The following CFAP43 variants were observed in gnomAD, a reference collection of about 807,000 sequenced individuals.
The protein encoded by CFAP43 is cilia and flagella associated protein 43.
Under a neutral mutation model 218.9 loss-of-function variants are expected in CFAP43, and 155 were observed. The ratio of observed to expected loss-of-function variants is 0.71; its 90% CI spans 0.62 to 0.81. The LOEUF is 0.81. Among genes scored for constraint, CFAP43 ranks in the 30% least tolerant of loss-of-function variants. CFAP43 has a pLI of 0.00. For synonymous variants in CFAP43, 645 were observed against 681.3 expected, an observed-to-expected ratio of 0.95 and a Z score of 0.83; for missense variants, 1,778 against 1,954.3, an observed-to-expected ratio of 0.91 and a Z score of 1.70.
At chr10:104,156,471 T>G (rs548139242) in intron 27 of CFAP43, among the ~76,000 whole-genome samples, 52 of 152,298 alleles carry the variant, frequency 3.4e-4, no homozygotes, top group Non-Finnish European at 6.6e-4. Flanking sequence ...ATCACAATGG[T>G]TGCACTATTG....
intron 1 of CFAP43, among the ~76,000 whole-genome samples, chr10:104,231,973 G>A (rs2091460624): frequency 6.6e-6 from 1 of 151,952 alleles, no homozygotes; most frequent in Non-Finnish European, 1.5e-5. Flanking sequence ...AGACAACTGG[G>A]GACGGGGTCA....
intron 6 of CFAP43, among the ~76,000 whole-genome samples, chr10:104,206,691 T>C (rs183484355): frequency 2.0e-5 from 3 of 152,302 alleles, no homozygotes; most frequent in African/African-American, 7.2e-5. Flanking sequence ...GCAATTGAAA[T>C]AGAGAGTGCT....
chr10:104,165,630 C>T (rs2089115015), intron 23 of CFAP43, among the ~76,000 whole-genome samples: 1 of 152,132 alleles, frequency 6.6e-6, no homozygotes, highest in Non-Finnish European at 1.5e-5. Context: ...CAGTCACTGC[C>T]TTTTCAAAAA....
At position 104,129,984 on chromosome 10, in the gene CFAP43, T is replaced by C. The variant is rs1027357552; in HGVS notation, c.*155A>G. ...ATGCAGGACAAAAATTTGTATACAA[T>C]TAAGGCTAAAATTAAACAATTTTTT... On this transcript the variant is annotated 3_prime_UTR_variant, in exon 38 of 38. Coordinates refer to ENST00000357060, the MANE Select transcript of CFAP43 (RefSeq NM_025145.7). 1 of 879,808 alleles carries C rather than the reference T, an allele frequency of 1.1e-6. No homozygotes were observed. Among genetic ancestry groups the C allele is most frequent in the African/African-American group, 1.8e-5 (1 of 57,056 alleles). 54.5% of individuals were successfully genotyped at this position (879,808 alleles called of 1,614,324 possible).
chr10:104,230,193 G>A (rs577538152), intron 2 of CFAP43, among the ~76,000 whole-genome samples: 2 of 152,042 alleles, frequency 1.3e-5, no homozygotes, highest in Admixed American at 6.5e-5. Flanking sequence ...GGGGCCAGGC[G>A]TGGTGGCTCA....
At chr10:104,198,316 A>G (rs1014565006) in intron 8 of CFAP43, among the ~76,000 whole-genome samples, 2 of 152,114 alleles carry the variant, frequency 1.3e-5, no homozygotes, top group Non-Finnish European at 2.9e-5. Context: ...AAGTCTTGCT[A>G]TTGTTGCCCA....
intron 31 of CFAP43, among the ~76,000 whole-genome samples, chr10:104,144,101 T>C (rs2087835039): frequency 6.6e-6 from 1 of 152,208 alleles, no homozygotes; most frequent in African/African-American, 2.4e-5. Context: ...GGCGAGGCAC[T>C]CACTATCAAG....
At chr10:104,142,449 A>AC in intron 32 of CFAP43, 56 bp from the exon 33 acceptor site, 1 of 1,327,100 alleles carries the variant, frequency 7.5e-7, no homozygotes, top group Non-Finnish European at 1.1e-6. Context: ...ATTTTAGACA[A>AC]CATACATCTT....
At position 104,186,096 on chromosome 10, in the gene CFAP43, G is replaced by T; in HGVS notation, c.1888C>A (p.Pro630Thr). The T allele has an allele frequency of 6.5e-7, 1 of 1,548,344 alleles. No homozygotes were observed. The highest frequency in any genetic ancestry group is 1.4e-5 in the African/African-American group (1 of 71,252). ...EEHTGIYILK[P>T]YKKVQSRQYG... ...TGTCTGCTTTGTACTTTTTTGTATG[G>T]TTTAAGAATGTAGATACCGGTATGT... The change falls in exon 15 of 38, where the codon CCA (proline) becomes ACA (threonine). Residue 630 changes from proline (P) to threonine (T), a missense_variant. This residue lies in a region of CFAP43 where 1,553 missense variants were observed against 1,685.2 expected (regional missense o/e 0.92). Transcript: ENST00000357060.
intron 9 of CFAP43, among the ~76,000 whole-genome samples, chr10:104,197,570 C>G (rs1020781274): frequency 1.3e-5 from 2 of 152,200 alleles, no homozygotes; most frequent in South Asian, 2.1e-4. Flanking sequence ...TTACTTAGTG[C>G]TGATGACTCA....
At chr10:104,168,956 T>A in intron 20 of CFAP43, 108 bp from the exon 21 acceptor site, 3 of 857,120 alleles carry the variant, frequency 3.5e-6, no homozygotes, top group Non-Finnish European at 5.6e-6. Context: ...CCTTCAGTGG[T>A]AGAGTTTGTC....
intron 3 of CFAP43, among the ~76,000 whole-genome samples, chr10:104,216,298 C>A (rs2091009901): frequency 6.6e-6 from 1 of 152,190 alleles, no homozygotes; most frequent in South Asian, 2.1e-4. Flanking sequence ...GGGCACTGTT[C>A]ACCACAACCA....
At chr10:104,145,935 T>C (rs2087945530) in intron 30 of CFAP43, among the ~76,000 whole-genome samples, 2 of 152,208 alleles carry the variant, frequency 1.3e-5, no homozygotes, top group Non-Finnish European at 2.9e-5. Context: ...TTCTTTTCCA[T>C]TATAAAACTG....
At chr10:104,180,991 C>T (rs1411282089) in intron 17 of CFAP43, among the ~76,000 whole-genome samples, 2 of 152,036 alleles carry the variant, frequency 1.3e-5, no homozygotes, top group African/African-American at 4.8e-5. Context: ...ATCCGCATGC[C>T]CTTGACTCAA....
In CFAP43 at chr10:104,179,934, T is replaced by G; in HGVS notation, c.2290-2A>C. 6 of 1,610,764 alleles carry G rather than the reference T, an allele frequency of 3.7e-6. No homozygotes were observed. The highest frequency in any genetic ancestry group is 5.1e-6 in the Non-Finnish European group (6 of 1,178,006). Reference sequence around the variant, plus strand: ...TAAGTCAGTGCTTGCCTTCTGTTTCTGATACATGGTAGAAAAAGACAGACA... The same window carrying G: ...TAAGTCAGTGCTTGCCTTCTGTTTCGGATACATGGTAGAAAAAGACAGACA... On this transcript the variant is annotated splice_acceptor_variant, in intron 17 of 37. Coordinates refer to ENST00000357060, the MANE Select transcript of CFAP43 (RefSeq NM_025145.7). LOFTEE classifies it high-confidence loss of function.
At chr10:104,198,112 C>G in intron 8 of CFAP43, 74 bp from the exon 9 acceptor site, 2 of 837,686 alleles carry the variant, frequency 2.4e-6, no homozygotes, top group Non-Finnish European at 3.9e-6. Flanking sequence ...TTATTAAATG[C>G]CTACTGTAAC....
In CFAP43 at chr10:104,141,015, T is replaced by C. The variant is rs769906753; in HGVS notation, c.4272-14A>G. 2 of 1,600,712 alleles carry C rather than the reference T, an allele frequency of 1.2e-6. No individual in the cohort carries two copies. The highest frequency in any genetic ancestry group is 2.3e-5 in the South Asian group (2 of 88,566). ...TCTTCCTGTAATCTGAATTGAAAAG[T>C]ACTTCAAAGCAAGTAGTTGTAATAT... is the stretch of plus-strand genomic sequence containing the variant. On this transcript the variant is annotated splice_polypyrimidine_tract_variant and intron_variant, in intron 33 of 37. Transcript: ENST00000357060.
intron 3 of CFAP43, among the ~76,000 whole-genome samples, chr10:104,219,489 G>C (rs1347622736): frequency 6.6e-6 from 1 of 152,172 alleles, no homozygotes; most frequent in Non-Finnish European, 1.5e-5. Flanking sequence ...CTTAAATGCA[G>C]ATATAATTGT....
chr10:104,187,742 T>C (rs1301720104), intron 13 of CFAP43, among the ~76,000 whole-genome samples: 1 of 152,228 alleles, frequency 6.6e-6, no homozygotes, highest in East Asian at 1.9e-4. Context: ...CTTAGAGACA[T>C]ATTAAAAGAA....
Sources: allele counts gnomAD v4.1 joint callset (sites outside exome capture counted in the v4.1 genomes callset), GRCh38; gene constraint gnomAD v4.1.1; regional missense constraint gnomAD v4.1.1; transcripts MANE v1.5; gene names NCBI Gene and HGNC (gene_info 2026-07-23, HGNC 2026-07-21).